Variants in RSU1 observed in about 807,000 individuals in gnomAD.
RSU1 encodes the protein Ras suppressor protein 1.
In RSU1, 26 loss-of-function variants were observed where a neutral mutation model predicts 31.1. That is an observed-to-expected ratio of 0.84 (90% CI 0.61 to 1.16). RSU1 has a LOEUF of 1.16. Ranked by LOEUF, RSU1 falls within the 50% of genes most tolerant of loss-of-function variation. The probability of loss-of-function intolerance (pLI) is 0.00; values close to 1 mark genes in which losing one functional copy is unlikely to be tolerated. For synonymous variants in RSU1, 164 were observed against 136.3 expected, an observed-to-expected ratio of 1.20 and a Z score of -1.41; for missense variants, 320 against 339.1, an observed-to-expected ratio of 0.94 and a Z score of 0.44.
chr10:16,764,914 C>T (rs889133998), intron 3 of RSU1, among the ~76,000 whole-genome samples: 4 of 151,114 alleles, frequency 2.6e-5, no homozygotes, highest in Admixed American at 1.3e-4. Flanking sequence ...CTTGCATTGC[C>T]GTCAGAAGAA....
chr10:16,688,725 G>A (rs1835485671), intron 8 of RSU1, among the ~76,000 whole-genome samples: 1 of 152,136 alleles, frequency 6.6e-6, no homozygotes, highest in South Asian at 2.1e-4. Context: ...TAAAAGCCAG[G>A]TGCCGTGGTG....
intron 8 of RSU1, among the ~76,000 whole-genome samples, chr10:16,680,631 G>C (rs902160688): frequency 2.0e-5 from 3 of 151,798 alleles, no homozygotes; most frequent in Non-Finnish European, 4.4e-5. Flanking sequence ...GGGAGGGAGG[G>C]AGGTGGCACA....
intron 7 of RSU1, among the ~76,000 whole-genome samples, chr10:16,742,874 T>C (rs1320729154): frequency 6.6e-6 from 1 of 152,178 alleles, no homozygotes; most frequent in Non-Finnish European, 1.5e-5. Flanking sequence ...CAGGCAGAAA[T>C]ACAATTCACT....
At chr10:16,728,448 A>C (rs1295288938) in intron 7 of RSU1, among the ~76,000 whole-genome samples, 2 of 152,242 alleles carry the variant, frequency 1.3e-5, no homozygotes. Flanking sequence ...AGTGAGGCAG[A>C]ACCCTGCAGA....
intron 2 of RSU1, among the ~76,000 whole-genome samples, chr10:16,816,515 A>G (rs1490911138): frequency 6.6e-6 from 1 of 152,248 alleles, no homozygotes; most frequent in Non-Finnish European, 1.5e-5. Context: ...CCAAGTTCGG[A>G]GAATAAATAC....
intron 8 of RSU1, among the ~76,000 whole-genome samples, chr10:16,669,485 A>G (rs1303765576): frequency 1.3e-5 from 2 of 152,132 alleles, no homozygotes; most frequent in African/African-American, 4.8e-5. Flanking sequence ...CACCCCAGGG[A>G]AAGCCAAGCC....
chr10:16,646,265 A>G (rs566626798), intron 8 of RSU1, among the ~76,000 whole-genome samples: 7 of 152,092 alleles, frequency 4.6e-5, no homozygotes, highest in Non-Finnish European at 1.0e-4. Context: ...TCAGTAAAGG[A>G]GAAAGACACC....
At chr10:16,786,650 A>T (rs1370442605) in intron 2 of RSU1, among the ~76,000 whole-genome samples, 1 of 152,106 alleles carries the variant, frequency 6.6e-6, no homozygotes, top group Non-Finnish European at 1.5e-5. Context: ...TTCTATTTTT[A>T]AACACCCTAC....
At chr10:16,755,762 C>G (rs746200873) in intron 4 of RSU1, among the ~76,000 whole-genome samples, 1 of 152,174 alleles carries the variant, frequency 6.6e-6, no homozygotes, top group Non-Finnish European at 1.5e-5. Flanking sequence ...CCCTCTCCCT[C>G]CAGCCTGTGG....
At chr10:16,670,013 C>T (rs1835077174) in intron 8 of RSU1, among the ~76,000 whole-genome samples, 1 of 152,166 alleles carries the variant, frequency 6.6e-6, no homozygotes, top group Non-Finnish European at 1.5e-5. Flanking sequence ...TAGTCTCTCA[C>T]AAATGGTGTC....
intron 8 of RSU1, among the ~76,000 whole-genome samples, chr10:16,681,520 G>A (rs1258385536): frequency 6.6e-6 from 1 of 151,864 alleles, no homozygotes; most frequent in East Asian, 1.9e-4. Context: ...AATCGATAAA[G>A]CAAATCCAGA....
intron 8 of RSU1, among the ~76,000 whole-genome samples, chr10:16,688,416 C>T (rs1285959546): frequency 6.6e-6 from 1 of 152,052 alleles, no homozygotes; most frequent in Admixed American, 6.6e-5. Flanking sequence ...ACCATCCTGG[C>T]CAACAAGGCG....
chr10:16,674,716 G>A (rs1056033141), intron 8 of RSU1, among the ~76,000 whole-genome samples: 1 of 152,096 alleles, frequency 6.6e-6, no homozygotes, highest in African/African-American at 2.4e-5. Flanking sequence ...AATGAGATAA[G>A]ACAGCAAGCC....
At chr10:16,729,974 G>C (rs974517611) in intron 7 of RSU1, among the ~76,000 whole-genome samples, 1 of 152,190 alleles carries the variant, frequency 6.6e-6, no homozygotes, top group Non-Finnish European at 1.5e-5. Flanking sequence ...ACAAAGAAAA[G>C]TGGTTTATTT....
At chr10:16,763,134 A>G (rs1837242857) in intron 4 of RSU1, among the ~76,000 whole-genome samples, 1 of 152,368 alleles carries the variant, frequency 6.6e-6, no homozygotes, top group East Asian at 1.9e-4. Flanking sequence ...CAGAGACTGC[A>G]GCATGAGTGG....
intron 7 of RSU1, among the ~76,000 whole-genome samples, chr10:16,714,362 G>T (rs1156941222): frequency 6.6e-6 from 1 of 152,310 alleles, no homozygotes; most frequent in East Asian, 1.9e-4. Flanking sequence ...CAGCCTTGCA[G>T]TTATTTGGGA....
At chr10:16,644,678 G>T (rs1834504221) in intron 8 of RSU1, among the ~76,000 whole-genome samples, 1 of 152,094 alleles carries the variant, frequency 6.6e-6, no homozygotes, top group South Asian at 2.1e-4. Context: ...CCCGCTAAAT[G>T]GATCTGCAGA....
chr10:16,594,816 A>T (rs1833584497), intron 8 of RSU1, among the ~76,000 whole-genome samples: 1 of 142,538 alleles, frequency 7.0e-6, no homozygotes, highest in Non-Finnish European at 1.5e-5. Context: ...ATGGAGTCCT[A>T]TTGTGTTGCC....
chr10:16,666,428 T>C (rs1224495628), intron 8 of RSU1, among the ~76,000 whole-genome samples: 1 of 152,176 alleles, frequency 6.6e-6, no homozygotes, highest in Non-Finnish European at 1.5e-5. Context: ...AACATGTTGA[T>C]CTGAAGATAC....
Sources: gnomAD v4.1 joint callset for allele counts (sites outside exome capture counted in the v4.1 genomes callset) on GRCh38, gnomAD v4.1.1 for gene constraint, MANE v1.5 for transcripts, NCBI Gene and HGNC (gene_info 2026-07-23, HGNC 2026-07-21) for gene names.